The following SLCO1B1 variants were observed in gnomAD, a reference collection of about 807,000 sequenced individuals.
SLCO1B1 encodes the protein OATP-2.
A neutral mutation model predicts 70.1 loss-of-function variants in SLCO1B1; 81 were observed. The ratio of observed to expected loss-of-function variants is 1.16; its 90% CI spans 0.97 to 1.39. SLCO1B1 has a LOEUF of 1.39. Among genes scored for constraint, SLCO1B1 ranks in the 40% most tolerant of loss-of-function variants. The probability of loss-of-function intolerance (pLI) is 0.00; values close to 1 mark genes in which losing one functional copy is unlikely to be tolerated. For missense variants in SLCO1B1, 895 were observed against 799.6 expected (o/e 1.12, Z -1.44); for synonymous variants, 283 against 271.5 (o/e 1.04, Z -0.42).
chr12:21,136,009 A>G (rs1407519161), intron 1 of SLCO1B1, among the ~76,000 whole-genome samples: 1 of 151,792 alleles, frequency 6.6e-6, no homozygotes, highest in Admixed American at 6.6e-5. Flanking sequence ...TTCCTTCAGG[A>G]GCTCTTTTAG....
chr12:21,224,877 G>C, intron 14 of SLCO1B1, 38 bp downstream of exon 14: 1 of 1,085,088 alleles, frequency 9.2e-7, no homozygotes, highest in South Asian at 1.4e-5. Flanking sequence ...TTTTTTCTTT[G>C]ACTATATTAA....
intron 2 of SLCO1B1, among the ~76,000 whole-genome samples, chr12:21,145,179 C>T (rs1225763005): frequency 3.3e-5 from 5 of 152,158 alleles, no homozygotes; most frequent in African/African-American, 1.2e-4. Flanking sequence ...TGTATCATGA[C>T]ATCCATAAGA....
chr12:21,161,467 C>T (rs1940618877), intron 2 of SLCO1B1, among the ~76,000 whole-genome samples: 1 of 151,848 alleles, frequency 6.6e-6, no homozygotes, highest in African/African-American at 2.4e-5. Flanking sequence ...GATGAGAACT[C>T]ATAAAGACAA....
At chr12:21,193,672 T>C (rs1161195086) in intron 7 of SLCO1B1, among the ~76,000 whole-genome samples, 2 of 152,194 alleles carry the variant, frequency 1.3e-5, no homozygotes, top group Non-Finnish European at 2.9e-5. Flanking sequence ...AATATAACTT[T>C]CAACTTTAGG....
chr12:21,156,900 A>T (rs981652749), intron 2 of SLCO1B1, among the ~76,000 whole-genome samples: 3 of 152,176 alleles, frequency 2.0e-5, no homozygotes, highest in Non-Finnish European at 4.4e-5. Flanking sequence ...ATGAACTGTG[A>T]ATGAATTTAA....
At chr12:21,180,364 C>G (rs745966592) in intron 7 of SLCO1B1, among the ~76,000 whole-genome samples, 1 of 152,116 alleles carries the variant, frequency 6.6e-6, no homozygotes, top group South Asian at 2.1e-4. Context: ...CTTAGAGAAG[C>G]CTTACTTCAC....
chr12:21,168,187 T>C (rs1565671525), intron 2 of SLCO1B1, among the ~76,000 whole-genome samples: 1 of 149,916 alleles, frequency 6.7e-6, no homozygotes, highest in Non-Finnish European at 1.5e-5. Context: ...TTATTTAGCT[T>C]AGCATAATGT....
chr12:21,137,542 C>T lies in SLCO1B1; in HGVS notation c.-61-3972C>T, dbSNP rs533344724. Among the ~76,000 whole-genome samples the T allele has an allele frequency of 4.7e-3, 712 of 152,216 alleles. 4 individuals are homozygous for T. The highest frequency in any genetic ancestry group is 8.2e-3 in the Non-Finnish European group (560 of 68,006). On this transcript the variant is annotated intron_variant, in intron 1 of 14. Transcript: ENST00000256958. Reference sequence around the variant, plus strand: ...AAACAACTAACTCAGCAATGGTGGCCGCCCCTCCCCCAGCCTCGCTGCCAC... The same window carrying T: ...AAACAACTAACTCAGCAATGGTGGCTGCCCCTCCCCCAGCCTCGCTGCCAC...
intron 7 of SLCO1B1, among the ~76,000 whole-genome samples, chr12:21,196,353 A>G (rs1298972532): frequency 6.6e-6 from 1 of 152,162 alleles, no homozygotes; most frequent in Non-Finnish European, 1.5e-5. Flanking sequence ...TGATTTAAAG[A>G]AAAATATGAC....
At chr12:21,148,431 A>ATAT (rs1349748106) in intron 2 of SLCO1B1, among the ~76,000 whole-genome samples, 4 of 152,182 alleles carry the variant, frequency 2.6e-5, no homozygotes, top group South Asian at 4.1e-4. Flanking sequence ...GCATATGGCT[A>ATAT]GCCAGTTTTC....
Position 21,137,242 on chromosome 12 carries a change from C to T in SLCO1B1, c.-61-4272C>T, listed in dbSNP as rs191667119. ...CGTGTGAGGTGTCAGTCCGCCCCTA[C>T]TGGGGGGTGCCTCCCAGTTAGGCTA... On this transcript the variant is annotated intron_variant, in intron 1 of 14. Coordinates refer to ENST00000256958, the MANE Select transcript of SLCO1B1 (RefSeq NM_006446.5). 6.1e-3 allele frequency among the ~76,000 whole-genome samples: 927 copies of T among 152,248 alleles called. 7 individuals carry two copies. Among genetic ancestry groups the T allele is most frequent in the African/African-American group, 0.021 (886 of 41,560 alleles).
At chr12:21,134,896 T>C (rs936224172) in intron 1 of SLCO1B1, among the ~76,000 whole-genome samples, 1 of 152,198 alleles carries the variant, frequency 6.6e-6, no homozygotes, top group African/African-American at 2.4e-5. Flanking sequence ...TGTTTGCTCT[T>C]GCTTTTCTAG....
Position 21,224,843 on chromosome 12 carries a change from A to T in SLCO1B1, c.1865+4A>T, listed in dbSNP as rs765277202. The T allele has an allele frequency of 1.3e-6, 2 of 1,491,792 alleles. No homozygotes were observed. Among genetic ancestry groups the T allele is most frequent in the African/African-American group, 2.8e-5 (2 of 72,668 alleles). The allele number at this position is 1,491,792 out of a possible 1,614,324, so 92.4% of individuals were successfully genotyped here. On this transcript the variant is annotated splice_donor_region_variant and intron_variant, in intron 14 of 14. Transcript: ENST00000256958. The stretch of plus-strand genomic sequence containing the variant: ...CATATAATTCCACATCATTTTCGTA[A>T]GTTGTCATAAATATATTTCATTATT...
chr12:21,210,724 CT>C (rs928388671), intron 11 of SLCO1B1, among the ~76,000 whole-genome samples: 17 of 147,772 alleles, frequency 1.2e-4, no homozygotes, highest in African/African-American at 4.0e-4. Flanking sequence ...TTTGTATCCT[CT>C]TTTATTTCCT....
chr12:21,172,513 G>A (rs1020343339), intron 2 of SLCO1B1, 137 bp from the exon 3 acceptor site: 9 of 958,148 alleles, frequency 9.4e-6, no homozygotes, highest in Non-Finnish European at 1.5e-5. Context: ...CTGGTAAAAG[G>A]GAAAACTAAG....
intron 1 of SLCO1B1, among the ~76,000 whole-genome samples, chr12:21,133,654 A>T (rs887763805): frequency 6.6e-6 from 1 of 152,076 alleles, no homozygotes; most frequent in African/African-American, 2.4e-5. Flanking sequence ...GGTGTATAAG[A>T]ATGCTTGTGA....
rs755897728 is a variant in SLCO1B1 at position 21,174,729 on chromosome 12, A to C, written c.359+20A>C. The C allele has an allele frequency of 1.9e-5, 30 of 1,607,936 alleles. No individual in the cohort carries two copies. Among genetic ancestry groups the C allele is most frequent in the Non-Finnish European group, 2.4e-5 (28 of 1,178,712 alleles). The stretch of plus-strand genomic sequence containing the variant: ...GGGATAGTAAGTGTTAAAAAAAAAA[A>C]AAACCTCTGTGCCACTATCAGTACC... On this transcript the variant is annotated intron_variant, in intron 4 of 14. Transcript: ENST00000256958.
chr12:21,149,598 T>G (rs552875798), intron 2 of SLCO1B1, among the ~76,000 whole-genome samples: 3 of 152,164 alleles, frequency 2.0e-5, no homozygotes, highest in African/African-American at 7.2e-5. Flanking sequence ...GAAGTGCAAG[T>G]TGTCAGGAAA....
intron 11 of SLCO1B1, 133 bp from the exon 12 acceptor site, chr12:21,216,986 T>G (rs1941365678): frequency 1.4e-6 from 1 of 713,718 alleles, no homozygotes; most frequent in South Asian, 1.7e-5. Context: ...AGCAACTGTA[T>G]TTTTAGAATC....
Sources: allele counts gnomAD v4.1 joint callset (sites outside exome capture counted in the v4.1 genomes callset), GRCh38; gene constraint gnomAD v4.1.1; transcripts MANE v1.5; gene names NCBI Gene and HGNC (gene_info 2026-07-23, HGNC 2026-07-21).